The following AGAP1 variants were observed in gnomAD, a reference collection of about 807,000 sequenced individuals.
AGAP1 encodes arf-GAP with GTPase, ANK repeat and PH domain-containing protein 1.
Under a neutral mutation model 105.3 loss-of-function variants are expected in AGAP1, and 29 were observed. The ratio of observed to expected loss-of-function variants is 0.28; its 90% CI spans 0.21 to 0.38. AGAP1 has a LOEUF of 0.38. AGAP1 is among the 10% of genes least tolerant of loss of function. The probability of loss-of-function intolerance (pLI) is 1.00; values close to 1 mark genes in which losing one functional copy is unlikely to be tolerated. For synonymous variants in AGAP1, 509 were observed against 485.9 expected, an observed-to-expected ratio of 1.05 and a Z score of -0.63; for missense variants, 998 against 1,165.1, an observed-to-expected ratio of 0.86 and a Z score of 2.09.
intron 12 of AGAP1, among the ~76,000 whole-genome samples, chr2:235,932,982 C>T (rs2052797534): frequency 6.6e-6 from 1 of 152,178 alleles, no homozygotes; most frequent in Admixed American, 6.5e-5. Context: ...ACGTGGGTGT[C>T]CATTAAAGAC....
At chr2:235,681,288 C>A (rs554573514) in intron 1 of AGAP1, among the ~76,000 whole-genome samples, 1 of 152,122 alleles carries the variant, frequency 6.6e-6, no homozygotes, top group South Asian at 2.1e-4. Context: ...GGATTACAGG[C>A]GTGAGCCACC....
intron 1 of AGAP1, among the ~76,000 whole-genome samples, chr2:235,698,533 A>T (rs908491621): frequency 6.6e-6 from 1 of 152,170 alleles, no homozygotes; most frequent in Non-Finnish European, 1.5e-5. Flanking sequence ...CAACATTTTC[A>T]CTTTCAAGGA....
Position 235,614,427 on chromosome 2 carries a change from G to T in AGAP1, c.164-94752G>T, listed in dbSNP as rs968765668. Among the ~76,000 whole-genome samples the T allele has an allele frequency of 1.3e-5, 2 of 152,164 alleles. No individual in the cohort carries two copies. The highest frequency in any genetic ancestry group is 2.4e-5 in the African/African-American group (1 of 41,442). On this transcript the variant is annotated intron_variant, in intron 1 of 17. Coordinates refer to ENST00000304032, the MANE Select transcript of AGAP1 (RefSeq NM_001037131.3). This position sits in a 1 kb window ranked among gnomAD's most constrained non-coding sequence, Gnocchi z 4.7. ...CCAGAGGAGCAGCAGCAAACGGCCT[G>T]TGATGGGCTGGATGTATTTGGGGAG...
intron 1 of AGAP1, among the ~76,000 whole-genome samples, chr2:235,651,636 C>G (rs1394468646): frequency 6.6e-6 from 1 of 152,094 alleles, no homozygotes; most frequent in African/African-American, 2.4e-5. Context: ...CAGATTAAGC[C>G]TGTGTGCTGG....
chr2:236,000,170 G>A lies in AGAP1; in HGVS notation c.1645+31547G>A, dbSNP rs192381908. On this transcript the variant is annotated intron_variant, in intron 13 of 17. Transcript: ENST00000304032. This position sits in a 1 kb window ranked among gnomAD's most constrained non-coding sequence, Gnocchi z 4.3. ...ACATCACTGGAGAGCTGCATATTAC[G>A]TTGTTATTTTTGTCTTTCCAATTAC... 2.3e-3 allele frequency among the ~76,000 whole-genome samples: 346 copies of A among 152,222 alleles called. 2 individuals carry two copies. Among genetic ancestry groups the A allele is most frequent in the Middle Eastern group, 0.01 (3 of 294 alleles).
chr2:235,917,142 A>C (rs1428201067), intron 11 of AGAP1, among the ~76,000 whole-genome samples: 4 of 152,260 alleles, frequency 2.6e-5, no homozygotes, highest in Non-Finnish European at 5.9e-5. Context: ...TGTCAAAGGA[A>C]TCCTTTCCCC....
At chr2:235,616,661 C>T (rs1559291559) in intron 1 of AGAP1, among the ~76,000 whole-genome samples, 1 of 152,186 alleles carries the variant, frequency 6.6e-6, no homozygotes, top group African/African-American at 2.4e-5. Flanking sequence ...TTTCTGGCTT[C>T]CTGCCCCACC....
In AGAP1 at chr2:235,970,501, G is replaced by A. The variant is rs1411780783; in HGVS notation, c.1645+1878G>A. On this transcript the variant is annotated intron_variant, in intron 13 of 17. Coordinates refer to ENST00000304032, the MANE Select transcript of AGAP1 (RefSeq NM_001037131.3). The surrounding 1 kb of genome is among the most constrained non-coding windows in gnomAD (Gnocchi z 5.4). ...CCTGTACCCTCCACGCCCCTAAGGT[G>A]CACACACAGGGGCGGGCGCCAGATT... Among the ~76,000 whole-genome samples, 1 of 152,118 alleles carries A rather than the reference G, an allele frequency of 6.6e-6. No individual in the cohort carries two copies. The highest frequency in any genetic ancestry group is 1.5e-5 in the Non-Finnish European group (1 of 68,022).
At chr2:235,781,885 T>C (rs1292934196) in intron 6 of AGAP1, among the ~76,000 whole-genome samples, 1 of 152,190 alleles carries the variant, frequency 6.6e-6, no homozygotes, top group African/African-American at 2.4e-5. Context: ...ATACGGAGTT[T>C]CCGCATTCCT....
rs1253406542 is a variant in AGAP1, at chr2:235,919,313, C to T, written c.1324+10407C>T. ...CCCACACTGGCAGAGGAGAGTTTTT[C>T]GAAGTAATCGTGACATTTTTCCATC... On this transcript the variant is annotated intron_variant, in intron 11 of 17. Coordinates refer to ENST00000304032, the MANE Select transcript of AGAP1 (RefSeq NM_001037131.3). The surrounding 1 kb of genome is among the most constrained non-coding windows in gnomAD (Gnocchi z 4.1). 2.6e-5 allele frequency among the ~76,000 whole-genome samples: 4 copies of T among 152,168 alleles called. No individual in the cohort carries two copies. The highest frequency in any genetic ancestry group is 5.9e-5 in the Non-Finnish European group (4 of 68,024).
chr2:236,049,514 C>T lies in AGAP1; in HGVS notation c.2114+233C>T, dbSNP rs758618693. 81 of 459,034 alleles carry T rather than the reference C, an allele frequency of 1.8e-4. 1 individual carries two copies. The highest frequency in any genetic ancestry group is 7.5e-4 in the Admixed American group (21 of 27,976). 28.4% of individuals were successfully genotyped at this position (459,034 alleles called of 1,614,324 possible). ...TTTTTAGGCCTGGGGATTTCTCTCCCCCCTCTTAGAAATGTATTAAGCTTC... is the reference window on the plus strand; with the variant it reads ...TTTTTAGGCCTGGGGATTTCTCTCCTCCCTCTTAGAAATGTATTAAGCTTC... On this transcript the variant is annotated intron_variant, in intron 16 of 17. Transcript: ENST00000304032.
At position 235,979,473 on chromosome 2, in the gene AGAP1, G is replaced by A. The variant is rs1467618745; in HGVS notation, c.1645+10850G>A. On this transcript the variant is annotated intron_variant, in intron 13 of 17. Transcript: ENST00000304032. The surrounding 1 kb of genome is among the most constrained non-coding windows in gnomAD (Gnocchi z 4.5). ...GTATTAATGCTTTGGAGAAGGTGTA[G>A]TTGAGATAAACTTTGTGTGTTTATT... Among the ~76,000 whole-genome samples the A allele has an allele frequency of 6.6e-6, 1 of 152,170 alleles. No individual in the cohort carries two copies. The highest frequency in any genetic ancestry group is 1.5e-5 in the Non-Finnish European group (1 of 68,038).
intron 13 of AGAP1, among the ~76,000 whole-genome samples, chr2:236,023,982 G>C (rs988007188): frequency 2.6e-5 from 4 of 150,962 alleles, no homozygotes. Flanking sequence ...GAAACATCTC[G>C]GCATTGCACC....
rs145688516 is a variant in AGAP1, at chr2:235,748,039, A to G, written c.539-2315A>G. ...GGGCAAGATGGGAATGAATGAGGTAATCATTTAATGTTTGTTAAACAAGTT... is the reference window on the plus strand; with the variant it reads ...GGGCAAGATGGGAATGAATGAGGTAGTCATTTAATGTTTGTTAAACAAGTT... On this transcript the variant is annotated intron_variant, in intron 5 of 17. Coordinates refer to ENST00000304032, the MANE Select transcript of AGAP1 (RefSeq NM_001037131.3). Among the ~76,000 whole-genome samples, 1,390 of 152,364 alleles carry G rather than the reference A, an allele frequency of 9.1e-3. 26 individuals carry two copies. Among genetic ancestry groups the G allele is most frequent in the African/African-American group, 0.032 (1,343 of 41,580 alleles).
intron 1 of AGAP1, among the ~76,000 whole-genome samples, chr2:235,534,501 T>A (rs1943145928): frequency 6.6e-6 from 1 of 152,130 alleles, no homozygotes; most frequent in Non-Finnish European, 1.5e-5. Flanking sequence ...TTTTTGGAGG[T>A]GCACATTTGG....
rs965925324 is a variant in AGAP1, at chr2:235,582,799, C to T, written c.163+87950C>T. On this transcript the variant is annotated intron_variant, in intron 1 of 17. Coordinates refer to ENST00000304032, the MANE Select transcript of AGAP1 (RefSeq NM_001037131.3). The surrounding 1 kb of genome is among the most constrained non-coding windows in gnomAD (Gnocchi z 4.7). ...ACTTGAGTCCCACGTCCTAGCCTCC[C>T]GGCATCACAGCCTTATGCTGCATTT... Among the ~76,000 whole-genome samples, 2 of 152,184 alleles carry T rather than the reference C, an allele frequency of 1.3e-5. No individual in the cohort carries two copies. Among genetic ancestry groups the T allele is most frequent in the African/African-American group, 2.4e-5 (1 of 41,442 alleles).
At position 235,519,150 on chromosome 2, in the gene AGAP1, A is replaced by G. The variant is rs540097938; in HGVS notation, c.163+24301A>G. On this transcript the variant is annotated intron_variant, in intron 1 of 17. Coordinates refer to ENST00000304032, the MANE Select transcript of AGAP1 (RefSeq NM_001037131.3). Reference sequence around the variant, plus strand: ...TACAGTGCCACAATCGTAGCTCACCATAACCTCAAACTCCTGGGCTCAAGC... The same window carrying G: ...TACAGTGCCACAATCGTAGCTCACCGTAACCTCAAACTCCTGGGCTCAAGC... Among the ~76,000 whole-genome samples, 9 of 152,290 alleles carry G rather than the reference A, an allele frequency of 5.9e-5. No homozygotes were observed. In the East Asian group the frequency reaches 9.7e-4, roughly 16 times the overall value.
chr2:235,755,802 G>T (rs1953877233), intron 6 of AGAP1, among the ~76,000 whole-genome samples: 1 of 152,198 alleles, frequency 6.6e-6, no homozygotes, highest in South Asian at 2.1e-4. Flanking sequence ...TTTCTGAGTG[G>T]CAGCAAGCAG....
intron 9 of AGAP1, among the ~76,000 whole-genome samples, chr2:235,859,614 T>C (rs2048840899): frequency 6.7e-6 from 1 of 149,914 alleles, no homozygotes; most frequent in Non-Finnish European, 1.5e-5. Context: ...CTTAACACAA[T>C]AGTAACTCAA....
Sources: allele counts gnomAD v4.1 joint callset (sites outside exome capture counted in the v4.1 genomes callset), GRCh38; gene constraint gnomAD v4.1.1; non-coding constraint Gnocchi (gnomAD v3.1); transcripts MANE v1.5; gene names NCBI Gene and HGNC (gene_info 2026-07-23, HGNC 2026-07-21).